The following MALRD1 variants were observed in gnomAD, a reference collection of about 807,000 sequenced individuals.
The protein encoded by MALRD1 is MAM and LDL-receptor class A domain-containing protein 1.
A neutral mutation model predicts 242.1 loss-of-function variants in MALRD1; 247 were observed. That is an observed-to-expected ratio of 1.02 (90% CI 0.92 to 1.13). MALRD1 has a LOEUF of 1.13. Ranked by LOEUF, MALRD1 falls within the 50% of genes most tolerant of loss-of-function variation. The pLI, the probability that MALRD1 is intolerant of heterozygous loss-of-function variation, is 0.00. For missense variants in MALRD1, 2,989 were observed against 2,533.1 expected (o/e 1.18, Z -3.86); for synonymous variants, 995 against 866.6 (o/e 1.15, Z -2.60).
chr10:19,273,981 G>T (rs1840379073), intron 19 of MALRD1, among the ~76,000 whole-genome samples: 1 of 152,078 alleles, frequency 6.6e-6, no homozygotes, highest in Non-Finnish European at 1.5e-5. Flanking sequence ...ATGAAAAATA[G>T]CATTATGAGA....
At chr10:19,647,230 A>G (rs1589355678) in intron 36 of MALRD1, among the ~76,000 whole-genome samples, 1 of 152,160 alleles carries the variant, frequency 6.6e-6, no homozygotes, top group East Asian at 1.9e-4. Context: ...GCCCTATTTT[A>G]TCTGCATGTA....
At chr10:19,253,189 C>T (rs374407461) in intron 18 of MALRD1, among the ~76,000 whole-genome samples, 14 of 151,780 alleles carry the variant, frequency 9.2e-5, no homozygotes, top group South Asian at 4.2e-4. Context: ...TAAGAGAGAG[C>T]GTAAGTATTT....
At chr10:19,586,997 C>A (rs189520191) in intron 33 of MALRD1, among the ~76,000 whole-genome samples, 46 of 152,326 alleles carry the variant, frequency 3.0e-4, no homozygotes, top group Middle Eastern at 3.4e-3. Flanking sequence ...TTCCAGGTGC[C>A]GTCTGTCACC....
chr10:19,581,257 T>C (rs1837106877), intron 33 of MALRD1, among the ~76,000 whole-genome samples: 1 of 151,776 alleles, frequency 6.6e-6, no homozygotes. Context: ...TTAGGGTACA[T>C]GTGCACAATG....
At chr10:19,558,123 T>C (rs547764574) in intron 32 of MALRD1, among the ~76,000 whole-genome samples, 1 of 152,278 alleles carries the variant, frequency 6.6e-6, no homozygotes, top group South Asian at 2.1e-4. Context: ...CTCTAATTGC[T>C]TCTCACTTCC....
intron 32 of MALRD1, among the ~76,000 whole-genome samples, chr10:19,554,453 G>A (rs1002538544): frequency 1.3e-5 from 2 of 152,088 alleles, no homozygotes; most frequent in Non-Finnish European, 2.9e-5. Context: ...ATAGGTAAAT[G>A]TGTACCATGG....
At chr10:19,483,277 A>G (rs193199670) in intron 29 of MALRD1, among the ~76,000 whole-genome samples, 3 of 152,250 alleles carry the variant, frequency 2.0e-5, no homozygotes, top group South Asian at 2.1e-4. Flanking sequence ...TAAGTCCTCA[A>G]AAGCAATTGC....
intron 33 of MALRD1, among the ~76,000 whole-genome samples, chr10:19,586,837 T>A (rs912122985): frequency 5.3e-5 from 8 of 152,230 alleles, no homozygotes; most frequent in African/African-American, 1.7e-4. Context: ...CGCTGCCGCC[T>A]TGCAGTTTGA....
At chr10:19,167,981 A>T (rs187024219) in intron 13 of MALRD1, among the ~76,000 whole-genome samples, 41 of 152,360 alleles carry the variant, frequency 2.7e-4, no homozygotes, top group African/African-American at 9.4e-4. Context: ...CAAATCTGGC[A>T]CAAACACAGA....
At chr10:19,235,607 A>AGAGAGAGAGAGAGAGAGC in intron 18 of MALRD1, among the ~76,000 whole-genome samples, 1 of 135,252 alleles carries the variant, frequency 7.4e-6, no homozygotes, top group Non-Finnish European at 1.7e-5. Flanking sequence ...AGAGAGAGAG[A>AGAGAGAGAGAGAGAGAGC]GAGAGAGCGC....
chr10:19,255,229 C>T lies in MALRD1; in HGVS notation c.2992-2455C>T, dbSNP rs144231348. Among the ~76,000 whole-genome samples, 417 of 152,070 alleles carry T rather than the reference C, an allele frequency of 2.7e-3. 1 individual carries two copies. Among genetic ancestry groups the T allele is most frequent in the African/African-American group, 9.7e-3 (403 of 41,512 alleles). ...TTAAACTAAACTGGATTTTCAGTTG[C>T]CCTTTGAGGCACTCCGTAAGGTAGC... On this transcript the variant is annotated intron_variant, in intron 18 of 39. Transcript: ENST00000454679.
intron 21 of MALRD1, among the ~76,000 whole-genome samples, chr10:19,287,760 C>G (rs1340245138): frequency 2.0e-5 from 3 of 152,076 alleles, no homozygotes; most frequent in Non-Finnish European, 4.4e-5. Flanking sequence ...GAGGTGAAGA[C>G]AACTCACCTA....
intron 14 of MALRD1, among the ~76,000 whole-genome samples, chr10:19,192,535 A>G (rs1214720547): frequency 6.6e-6 from 1 of 152,050 alleles, no homozygotes; most frequent in Non-Finnish European, 1.5e-5. Context: ...TTGCAGCCAC[A>G]AGAAACTGAA....
At chr10:19,098,528 T>C (rs1024123445) in intron 4 of MALRD1, among the ~76,000 whole-genome samples, 1 of 152,208 alleles carries the variant, frequency 6.6e-6, no homozygotes, top group African/African-American at 2.4e-5. Flanking sequence ...CAATAATATT[T>C]ATGATAACAT....
intron 31 of MALRD1, among the ~76,000 whole-genome samples, chr10:19,526,093 C>G (rs1315540366): frequency 3.9e-5 from 6 of 151,932 alleles, no homozygotes; most frequent in Admixed American, 1.3e-4. Context: ...ATATTCTGAA[C>G]TTTGTGCAAG....
At chr10:19,536,533 C>T (rs897746911) in intron 32 of MALRD1, among the ~76,000 whole-genome samples, 2 of 151,932 alleles carry the variant, frequency 1.3e-5, no homozygotes, top group East Asian at 1.9e-4. Flanking sequence ...TCATCTCTTT[C>T]GTAGCCCTTG....
chr10:19,471,313 C>T (rs1305045957), intron 29 of MALRD1, among the ~76,000 whole-genome samples: 2 of 151,820 alleles, frequency 1.3e-5, no homozygotes, highest in Non-Finnish European at 3.0e-5. Context: ...ATGCCAGTAT[C>T]CACACTGTTT....
intron 26 of MALRD1, among the ~76,000 whole-genome samples, chr10:19,380,784 T>C (rs1004987238): frequency 1.3e-5 from 2 of 152,214 alleles, no homozygotes; most frequent in African/African-American, 4.8e-5. Context: ...GCATTATTGT[T>C]GTCATCGTTT....
chr10:19,058,678 T>C (rs1244489445), intron 1 of MALRD1, among the ~76,000 whole-genome samples: 1 of 152,132 alleles, frequency 6.6e-6, no homozygotes, highest in Non-Finnish European at 1.5e-5. Flanking sequence ...AAATCAAAGA[T>C]ACATTTTTCT....
Sources: allele counts gnomAD v4.1 joint callset (sites outside exome capture counted in the v4.1 genomes callset), GRCh38; gene constraint gnomAD v4.1.1; transcripts MANE v1.5; gene names NCBI Gene and HGNC (gene_info 2026-07-23, HGNC 2026-07-21).